Variants in SETBP1 observed in about 807,000 individuals in gnomAD.
SETBP1 encodes the protein SET binding protein 1.
A neutral mutation model predicts 101.0 loss-of-function variants in SETBP1; 9 were observed. The observed-to-expected ratio is 0.09, with a 90% CI of 0.05 to 0.16. The LOEUF (loss-of-function observed/expected upper bound fraction) is 0.16. SETBP1 is among the 10% of genes least tolerant of loss of function. The pLI, the probability that SETBP1 is intolerant of heterozygous loss-of-function variation, is 1.00. For missense variants in SETBP1, 1,858 were observed against 2,033.8 expected (o/e 0.91, Z 1.66); for synonymous variants, 818 against 788.5 (o/e 1.04, Z -0.63).
intron 2 of SETBP1, among the ~76,000 whole-genome samples, chr18:44,714,543 A>G (rs2069419383): frequency 6.6e-6 from 1 of 151,946 alleles, no homozygotes; most frequent in Admixed American, 6.6e-5. Context: ...GCTCCTGCTT[A>G]GTCAGCTCTG....
At chr18:44,894,728 G>A (rs902887699) in intron 3 of SETBP1, among the ~76,000 whole-genome samples, 3 of 151,758 alleles carry the variant, frequency 2.0e-5, no homozygotes, top group African/African-American at 7.3e-5. Flanking sequence ...TAGGAATGAG[G>A]CAAGTACAGT....
intron 3 of SETBP1, among the ~76,000 whole-genome samples, chr18:44,926,397 G>T (rs1242223737): frequency 6.6e-6 from 1 of 152,168 alleles, no homozygotes; most frequent in East Asian, 1.9e-4. Flanking sequence ...TTCCCTGCAT[G>T]ATTTTGTCTG....
chr18:45,005,945 C>CTT lies in SETBP1; in HGVS notation c.4001-32515_4001-32514dup, dbSNP rs1032603185. Reference sequence around the variant, plus strand: ...ACAGGTGTGAGCCACTGCACCCGGCCTTTTTTTTTTTTTTTTTTTTTTTTT... The same window carrying CTT: ...ACAGGTGTGAGCCACTGCACCCGGCCTTTTTTTTTTTTTTTTTTTTTTTTTTT... On this transcript the variant is annotated intron_variant, in intron 4 of 5. Transcript: ENST00000649279. Among the ~76,000 whole-genome samples, 160 of 103,168 alleles carry CTT rather than the reference C, an allele frequency of 1.6e-3. 19 individuals are homozygous for CTT. The highest frequency in any genetic ancestry group is 5.3e-3 in the African/African-American group (131 of 24,836). The allele number at this position is 103,168 out of a possible 152,430, so 67.7% of individuals were successfully genotyped here.
chr18:44,897,372 T>C (rs1056606674), intron 3 of SETBP1, among the ~76,000 whole-genome samples: 22 of 152,100 alleles, frequency 1.4e-4, no homozygotes, highest in Non-Finnish European at 1.9e-4. Flanking sequence ...GAAGACAATA[T>C]GGTGCTTCTA....
intron 2 of SETBP1, among the ~76,000 whole-genome samples, chr18:44,774,343 G>A (rs765181925): frequency 6.6e-6 from 1 of 151,670 alleles, no homozygotes; most frequent in Non-Finnish European, 1.5e-5. Flanking sequence ...CTTCAGGAGA[G>A]AGTATATGTG....
At chr18:44,977,393 G>A (rs758158560) in intron 4 of SETBP1, among the ~76,000 whole-genome samples, 1 of 152,228 alleles carries the variant, frequency 6.6e-6, no homozygotes, top group Non-Finnish European at 1.5e-5. Context: ...TCAAGAAGGA[G>A]CACCCGCCAG....
chr18:44,841,238 T>C (rs1017048679), intron 2 of SETBP1, among the ~76,000 whole-genome samples: 3 of 152,168 alleles, frequency 2.0e-5, no homozygotes, highest in Admixed American at 6.5e-5. Context: ...GGGTGGCTCA[T>C]TCACACACTG....
rs560967004 is a variant in SETBP1 at position 45,054,829 on chromosome 18, G to A, written c.4172-8250G>A. ...AACCCGTGGGCCCATGAAATAACTG[G>A]CGTTATTTCCTTATGGTCAGAGAAG... On this transcript the variant is annotated intron_variant, in intron 5 of 5. Coordinates refer to ENST00000649279, the MANE Select transcript of SETBP1 (RefSeq NM_015559.3). Among the ~76,000 whole-genome samples, 3 of 152,222 alleles carry A rather than the reference G, an allele frequency of 2.0e-5. No homozygotes were observed. In the South Asian group the frequency reaches 6.2e-4, roughly 32 times the overall value.
At chr18:44,803,895 A>ATTTC (rs2071667446) in intron 2 of SETBP1, among the ~76,000 whole-genome samples, 3 of 149,044 alleles carry the variant, frequency 2.0e-5, no homozygotes, top group African/African-American at 7.8e-5. Context: ...TTCATTAAGT[A>ATTTC]GTGATGTCTT....
chr18:44,968,898 G>T (rs1266667387), intron 4 of SETBP1, among the ~76,000 whole-genome samples: 4 of 152,152 alleles, frequency 2.6e-5, no homozygotes, highest in Non-Finnish European at 4.4e-5. Context: ...ATTTCTCACT[G>T]TTAATTTCTT....
At chr18:45,042,206 G>T (rs1371867301) in intron 5 of SETBP1, among the ~76,000 whole-genome samples, 1 of 140,588 alleles carries the variant, frequency 7.1e-6, no homozygotes, top group African/African-American at 2.7e-5. Flanking sequence ...CTGGAATGCA[G>T]TGGTGCAATC....
chr18:44,984,387 G>A (rs571271648), intron 4 of SETBP1, among the ~76,000 whole-genome samples: 1 of 152,120 alleles, frequency 6.6e-6, no homozygotes, highest in East Asian at 1.9e-4. Flanking sequence ...GAATATGCAA[G>A]CTAGATCCCT....
intron 2 of SETBP1, among the ~76,000 whole-genome samples, chr18:44,777,530 C>T (rs772452692): frequency 1.8e-4 from 27 of 152,164 alleles, no homozygotes; most frequent in Non-Finnish European, 3.8e-4. Context: ...GGGCTGCCAT[C>T]CCCTCATCTG....
chr18:44,870,231 GT>G (rs1353342439), intron 3 of SETBP1: 1 of 152,178 alleles, frequency 6.6e-6, no homozygotes, highest in Non-Finnish European at 1.5e-5. Flanking sequence ...CTTTAAAGGT[GT>G]TTCACATCCA....
At chr18:44,791,844 T>A (rs1356903018) in intron 2 of SETBP1, among the ~76,000 whole-genome samples, 1 of 152,146 alleles carries the variant, frequency 6.6e-6, no homozygotes, top group Non-Finnish European at 1.5e-5. Context: ...CAGAGTGATG[T>A]CAGCTGAGGC....
Position 45,063,217 on chromosome 18 carries a change from A to G in SETBP1, c.4310A>G (p.Lys1437Arg). 4.3e-6 allele frequency: 7 copies of G among 1,614,048 alleles called. No homozygotes were observed. The highest frequency in any genetic ancestry group is 1.3e-5 in the African/African-American group (1 of 75,016). The change falls in exon 6 of 6, where the codon AAG becomes AGG. Residue 1437 changes from lysine (K) to arginine (R), a missense_variant. Physicochemically the swap from Lys to Arg is conservative, Grantham distance 26. Transcript: ENST00000649279. ...CACGTGAACAAGATCCTGAAGGCCAAGCGGCTGCAGAGACAATCAAAAACA... is the reference window on the plus strand; with the variant it reads ...CACGTGAACAAGATCCTGAAGGCCAGGCGGCTGCAGAGACAATCAAAAACA... The part of the protein sequence containing the change: ...LDHVNKILKA[K>R]RLQRQSKTGN...
chr18:44,723,891 C>A (rs538742383), intron 2 of SETBP1, among the ~76,000 whole-genome samples: 1 of 152,210 alleles, frequency 6.6e-6, no homozygotes, highest in South Asian at 2.1e-4. Context: ...TAAAACTGAC[C>A]CACTAGTTAT....
intron 2 of SETBP1, 119 bp downstream of exon 2, chr18:44,701,951 G>C: frequency 8.7e-7 from 1 of 1,144,402 alleles, no homozygotes; most frequent in South Asian, 1.4e-5. Flanking sequence ...TGGGGTTGGG[G>C]ATTCAGACCC....
intron 3 of SETBP1, among the ~76,000 whole-genome samples, chr18:44,940,607 TC>T (rs1485346281): frequency 6.6e-6 from 1 of 152,092 alleles, no homozygotes; most frequent in Non-Finnish European, 1.5e-5. Context: ...TAATATTACA[TC>T]CCTTCACATA....
Sources: gnomAD v4.1 joint callset for allele counts (sites outside exome capture counted in the v4.1 genomes callset) on GRCh38, gnomAD v4.1.1 for gene constraint, MANE v1.5 for transcripts, NCBI Gene and HGNC (gene_info 2026-07-23, HGNC 2026-07-21) for gene names.